Variants in FSTL4 observed in about 807,000 individuals in gnomAD.
The protein encoded by FSTL4 is follistatin-related protein 4.
Under a neutral mutation model 78.2 loss-of-function variants are expected in FSTL4, and 28 were observed. The ratio of observed to expected loss-of-function variants is 0.36; its 90% CI spans 0.27 to 0.49. FSTL4 has a LOEUF of 0.49. Among genes scored for constraint, FSTL4 ranks in the 20% least tolerant of loss-of-function variants. The pLI, the probability that FSTL4 is intolerant of heterozygous loss-of-function variation, is 0.98. For synonymous variants in FSTL4, 422 were observed against 440.5 expected (o/e 0.96, Z 0.53); for missense variants, 922 against 1,084.9 (o/e 0.85, Z 2.11).
intron 4 of FSTL4, among the ~76,000 whole-genome samples, chr5:133,391,536 A>T (rs1755850609): frequency 6.6e-6 from 1 of 152,196 alleles, no homozygotes; most frequent in Non-Finnish European, 1.5e-5. Flanking sequence ...GAAGGGCAAT[A>T]TAGCCAAGTG....
the FSTL4 span, among the ~76,000 whole-genome samples, chr5:133,826,257 A>T: frequency 1.6e-4 from 24 of 152,218 alleles, 1 homozygote; most frequent in African/African-American, 4.8e-4. Flanking sequence ...ACTGCCTCTG[A>T]TATCTAAAAA....
At chr5:133,560,403 T>C (rs1283344465) in intron 3 of FSTL4, among the ~76,000 whole-genome samples, 1 of 152,178 alleles carries the variant, frequency 6.6e-6, no homozygotes, top group Non-Finnish European at 1.5e-5. Context: ...TAAGTCTCAC[T>C]CTATCTCCCA....
chr5:133,336,059 G>A (rs1435835269), intron 4 of FSTL4, among the ~76,000 whole-genome samples: 1 of 152,152 alleles, frequency 6.6e-6, no homozygotes, highest in African/African-American at 2.4e-5. Flanking sequence ...AATTACTACC[G>A]GGACTTACTG....
At chr5:133,600,340 C>A (rs1462989876) in intron 2 of FSTL4, among the ~76,000 whole-genome samples, 2 of 151,506 alleles carry the variant, frequency 1.3e-5, no homozygotes, top group Admixed American at 6.6e-5. Flanking sequence ...AATACATTTT[C>A]GACCTATGAT....
In FSTL4 at chr5:133,443,831, T is replaced by C. The variant is rs116214809; in HGVS notation, c.161-42845A>G. On this transcript the variant is annotated intron_variant, in intron 3 of 15. Transcript: ENST00000265342. ...GTCTGCGGAAACCCACTACCCCATA[T>C]GGGGCTCTGTCTGGCCTGGGCTTTC... Among the ~76,000 whole-genome samples the C allele has an allele frequency of 5.2e-3, 788 of 152,344 alleles. 5 individuals carry two copies. The highest frequency in any genetic ancestry group is 0.018 in the African/African-American group (757 of 41,580).
At chr5:133,840,508 C>T in the FSTL4 span, among the ~76,000 whole-genome samples, 1 of 152,244 alleles carries the variant, frequency 6.6e-6, no homozygotes, top group Non-Finnish European at 1.5e-5. Flanking sequence ...GTCCTGGACT[C>T]TTGCTGGTCT....
chr5:133,344,020 G>A (rs890799601), intron 4 of FSTL4, among the ~76,000 whole-genome samples: 1 of 151,924 alleles, frequency 6.6e-6, no homozygotes, highest in Non-Finnish European at 1.5e-5. Context: ...AAAATATATT[G>A]AGCAATTTAA....
intron 2 of FSTL4, among the ~76,000 whole-genome samples, chr5:133,590,918 G>A (rs1292739019): frequency 6.6e-6 from 1 of 152,180 alleles, no homozygotes; most frequent in Non-Finnish European, 1.5e-5. Flanking sequence ...CCAATTCCCA[G>A]TCTCAAGCCC....
At chr5:133,425,012 G>T (rs191300140) in intron 3 of FSTL4, among the ~76,000 whole-genome samples, 2 of 152,094 alleles carry the variant, frequency 1.3e-5, no homozygotes, top group African/African-American at 4.8e-5. Flanking sequence ...TTTCTTATGC[G>T]CATCAGACTG....
the FSTL4 span, among the ~76,000 whole-genome samples, chr5:133,703,525 C>T: frequency 3.9e-5 from 6 of 152,318 alleles, no homozygotes; most frequent in East Asian, 7.7e-4. Flanking sequence ...CGGTTCTTTG[C>T]GAGACACTTC....
At chr5:133,530,311 T>C (rs823985) in intron 3 of FSTL4, among the ~76,000 whole-genome samples, 56,106 of 151,980 alleles carry the variant, frequency 0.37, 10,521 homozygotes, top group East Asian at 0.43. Flanking sequence ...GCCGCAGAAA[T>C]GCCTCCCCAC....
chr5:133,509,856 A>C (rs1020164021), intron 3 of FSTL4, among the ~76,000 whole-genome samples: 1 of 152,218 alleles, frequency 6.6e-6, no homozygotes. Context: ...GTGCCCACTG[A>C]CCCAGAGCCT....
At chr5:133,511,890 G>A (rs1221611736) in intron 3 of FSTL4, among the ~76,000 whole-genome samples, 6 of 152,186 alleles carry the variant, frequency 3.9e-5, no homozygotes, top group Non-Finnish European at 8.8e-5. Flanking sequence ...AGAGCTGAGC[G>A]TCATTCAAGG....
At chr5:133,567,099 A>T in intron 3 of FSTL4, 87 bp downstream of exon 3, 1 of 938,320 alleles carries the variant, frequency 1.1e-6, no homozygotes, top group South Asian at 1.3e-5. Context: ...TGAGCTGCCC[A>T]CAGTCTGAAG....
the FSTL4 span, among the ~76,000 whole-genome samples, chr5:133,642,985 T>C: frequency 6.6e-6 from 1 of 152,200 alleles, no homozygotes; most frequent in Non-Finnish European, 1.5e-5. Context: ...ATAATTTAGA[T>C]CTCTGAGACT....
At chr5:133,405,816 G>A (rs573152253) in intron 3 of FSTL4, among the ~76,000 whole-genome samples, 3 of 152,220 alleles carry the variant, frequency 2.0e-5, no homozygotes, top group Admixed American at 6.5e-5. Flanking sequence ...GAGGCCCGAC[G>A]CTCCAGTCCC....
At position 133,254,649 on chromosome 5, in the gene FSTL4, G is replaced by T. The variant is rs554730630; in HGVS notation, c.728-5073C>A. On this transcript the variant is annotated intron_variant, in intron 6 of 15. Transcript: ENST00000265342. ...TCGTGCGTGATCAGGGCAGATAGCC[G>T]CAGTCATACAGTGAAGACGGTAAGA... 7.9e-5 allele frequency among the ~76,000 whole-genome samples: 12 copies of T among 152,336 alleles called. No individual in the cohort carries two copies. In the South Asian group the frequency reaches 2.5e-3, roughly 32 times the overall value.
At chr5:133,724,695 T>C in the FSTL4 span, among the ~76,000 whole-genome samples, 2 of 152,204 alleles carry the variant, frequency 1.3e-5, no homozygotes, top group African/African-American at 4.8e-5. Flanking sequence ...TAACAGTATC[T>C]TTAAAAGAAC....
At chr5:133,442,624 G>T (rs1317691656) in intron 3 of FSTL4, among the ~76,000 whole-genome samples, 1 of 152,194 alleles carries the variant, frequency 6.6e-6, no homozygotes, top group South Asian at 2.1e-4. Flanking sequence ...AAATGCTCAC[G>T]CAGTGGTACA....
Sources: allele counts gnomAD v4.1 joint callset (sites outside exome capture counted in the v4.1 genomes callset), GRCh38; gene constraint gnomAD v4.1.1; transcripts MANE v1.5; gene names NCBI Gene and HGNC (gene_info 2026-07-23, HGNC 2026-07-21).